The following KDM6A variants were observed in gnomAD, a reference collection of about 807,000 sequenced individuals.
The protein encoded by KDM6A is lysine-specific demethylase 6A.
KDM6A carries 11 observed loss-of-function variants against 117.6 expected under a neutral mutation model. That is an observed-to-expected ratio of 0.09 (90% CI 0.06 to 0.15). The LOEUF is 0.15. Ranked by LOEUF, KDM6A falls within the 10% of genes least tolerant of loss-of-function variation. The pLI, the probability that KDM6A is intolerant of heterozygous loss-of-function variation, is 1.00. For synonymous variants in KDM6A, 384 were observed against 396.1 expected (o/e 0.97, Z 0.36); for missense variants, 799 against 1,077.3 (o/e 0.74, Z 3.62).
chrX:44,988,681 C>G (rs1295195970), intron 4 of KDM6A, among the ~76,000 whole-genome samples: 1 of 111,322 alleles, frequency 9.0e-6, no homozygotes, highest in Non-Finnish European at 1.9e-5. Context: ...CCACTCCAGA[C>G]CCTGTTTGCC....
Position 45,006,046 on chromosome X carries a change from C to T in KDM6A, c.385-4915C>T, listed in dbSNP as rs1368331045. 5.6e-5 allele frequency among the ~76,000 whole-genome samples: 5 copies of T among 89,912 alleles called. No homozygotes were observed. The East Asian group carries it at 2.0e-3, about 35-fold the overall frequency. 78.1% of individuals were successfully genotyped at this position (89,912 alleles called of 115,157 possible). A position where few individuals can be genotyped will look rare whatever the true frequency, so the allele number is the denominator to read the frequency against. On this transcript the variant is annotated intron_variant, in intron 4 of 29. Transcript: ENST00000611820. Reference sequence around the variant, plus strand: ...GCTTTCTTACCTTGGTCCCTACCACCAAGGAAATACTTTACCGGCTCCTGT... The same window carrying T: ...GCTTTCTTACCTTGGTCCCTACCACTAAGGAAATACTTTACCGGCTCCTGT...
chrX:44,916,427 G>A (rs1441952032), intron 2 of KDM6A, among the ~76,000 whole-genome samples: 1 of 111,065 alleles, frequency 9.0e-6, no homozygotes, highest in Non-Finnish European at 1.9e-5. Flanking sequence ...AGGATCTGTA[G>A]CAATTTACTT....
At chrX:45,045,712 G>A (rs892857891) in intron 8 of KDM6A, among the ~76,000 whole-genome samples, 8 of 110,958 alleles carry the variant, frequency 7.2e-5, no homozygotes, top group African/African-American at 1.3e-4. Flanking sequence ...TTTTAAGACC[G>A]AATAATATTC....
At chrX:45,046,470 C>T (rs772515019) in intron 8 of KDM6A, among the ~76,000 whole-genome samples, 1 of 111,586 alleles carries the variant, frequency 9.0e-6, no homozygotes, top group African/African-American at 3.3e-5. Context: ...AGAGAGAAGT[C>T]AGTTACAGGC....
intron 2 of KDM6A, among the ~76,000 whole-genome samples, chrX:44,906,134 C>T (rs770971209): frequency 1.7e-3 from 191 of 111,437 alleles, no homozygotes; most frequent in Non-Finnish European, 3.2e-3. Context: ...AAACCCCATC[C>T]TCAATACTTC....
chrX:45,040,853 G>A (rs867158689), intron 8 of KDM6A, among the ~76,000 whole-genome samples: 2 of 85,051 alleles, frequency 2.4e-5, no homozygotes, highest in Non-Finnish European at 2.4e-5. Flanking sequence ...CGGACTGGGC[G>A]GCTGGCCGGG....
chrX:45,030,745 T>G (rs774754530), intron 6 of KDM6A, among the ~76,000 whole-genome samples: 14 of 111,722 alleles, frequency 1.3e-4, no homozygotes, highest in Non-Finnish European at 1.7e-4. Flanking sequence ...AATCTCACTC[T>G]GTCGCCCATG....
At position 44,937,252 on chromosome X, in the gene KDM6A, A is replaced by G. The variant is rs758363627; in HGVS notation, c.226-24032A>G. 3.6e-5 allele frequency among the ~76,000 whole-genome samples: 4 copies of G among 111,335 alleles called. No homozygotes were observed. The South Asian group carries it at 1.5e-3, about 42-fold the overall frequency. On this transcript the variant is annotated intron_variant, in intron 2 of 29. Transcript: ENST00000611820. ...GGATTAGAGAAACATAAATTGTAATATTTTTGGTTAGGGGCAAATGGATTA... is the reference window on the plus strand; with the variant it reads ...GGATTAGAGAAACATAAATTGTAATGTTTTTGGTTAGGGGCAAATGGATTA...
intron 8 of KDM6A, among the ~76,000 whole-genome samples, chrX:45,039,731 T>C (rs768749213): frequency 0.037 from 2,600 of 69,606 alleles, 136 homozygotes; most frequent in African/African-American, 0.14. Flanking sequence ...CATGCTGCCT[T>C]CAAGCATCTG....
chrX:45,029,526 C>T (rs7892798), intron 6 of KDM6A, among the ~76,000 whole-genome samples: 12,558 of 108,221 alleles, frequency 0.12, 891 homozygotes, highest in African/African-American at 0.25. Context: ...GCCCAAGAAT[C>T]GCTTGAACTG....
intron 25 of KDM6A, chrX:45,086,188 C>G (rs1441696063): frequency 2.1e-5 from 8 of 380,332 alleles, no homozygotes; most frequent in Non-Finnish European, 3.2e-5. Flanking sequence ...CAACTTCATG[C>G]AGTAGTAGTA....
At chrX:45,033,778 C>G (rs754026410) in intron 6 of KDM6A, among the ~76,000 whole-genome samples, 1 of 110,400 alleles carries the variant, frequency 9.1e-6, no homozygotes, top group East Asian at 2.8e-4. Context: ...GTCTTAAACT[C>G]CTGACCTCAG....
chrX:44,947,582 T>C (rs1177779793), intron 2 of KDM6A, among the ~76,000 whole-genome samples: 1 of 109,573 alleles, frequency 9.1e-6, no homozygotes, highest in Non-Finnish European at 1.9e-5. Flanking sequence ...TTCACCGTGT[T>C]AGCCAGGATG....
chrX:45,036,902 A>G (rs1230153031), intron 7 of KDM6A, among the ~76,000 whole-genome samples: 1 of 113,182 alleles, frequency 8.8e-6, no homozygotes, highest in Non-Finnish European at 1.9e-5. Flanking sequence ...CTGCATAGGT[A>G]GGATGAGTGC....
chrX:44,885,401 G>C (rs1312390462), intron 2 of KDM6A, among the ~76,000 whole-genome samples: 1 of 110,153 alleles, frequency 9.1e-6, no homozygotes, highest in Non-Finnish European at 1.9e-5. Flanking sequence ...TATTGTCTTT[G>C]ACTTTTGAAA....
chrX:44,941,165 TGA>T (rs1395762756), intron 2 of KDM6A, among the ~76,000 whole-genome samples: 1 of 112,601 alleles, frequency 8.9e-6, no homozygotes, highest in Admixed American at 9.4e-5. Context: ...CAAGGTGGTA[TGA>T]TTACTGTAGT....
chrX:44,884,953 T>TA (rs1172740369), intron 2 of KDM6A, among the ~76,000 whole-genome samples: 4 of 111,752 alleles, frequency 3.6e-5, no homozygotes, highest in Non-Finnish European at 7.5e-5. Flanking sequence ...AAATGTCACT[T>TA]ACCACTACCC....
At chrX:45,017,750 A>G (rs1447317841) in intron 5 of KDM6A, among the ~76,000 whole-genome samples, 2 of 112,027 alleles carry the variant, frequency 1.8e-5, no homozygotes, top group Non-Finnish European at 3.8e-5. Context: ...AGGATATTAA[A>G]CATAGAAGAG....
chrX:45,047,910 G>T (rs1471565058), intron 8 of KDM6A, among the ~76,000 whole-genome samples: 2 of 108,534 alleles, frequency 1.8e-5, no homozygotes, highest in Non-Finnish European at 3.8e-5. Context: ...TGTAATCCCA[G>T]CACTTGTGAG....
Sources: allele counts gnomAD v4.1 joint callset (sites outside exome capture counted in the v4.1 genomes callset), GRCh38; gene constraint gnomAD v4.1.1; transcripts MANE v1.5; gene names NCBI Gene and HGNC (gene_info 2026-07-23, HGNC 2026-07-21).